Variants in CEP350 observed in about 807,000 individuals in gnomAD.
CEP350 encodes the protein centrosomal protein 350.
Under a neutral mutation model 331.8 loss-of-function variants are expected in CEP350, and 126 were observed. That is an observed-to-expected ratio of 0.38 (90% CI 0.33 to 0.44). CEP350 has a LOEUF of 0.44. Ranked by LOEUF, CEP350 falls within the 20% of genes least tolerant of loss-of-function variation. CEP350 has a pLI of 1.00. For synonymous variants in CEP350, 1,200 were observed against 1,259.5 expected, an observed-to-expected ratio of 0.95 and a Z score of 1.00; for missense variants, 3,406 against 3,634.6, an observed-to-expected ratio of 0.94 and a Z score of 1.62.
chr1:179,997,203 C>T, intron 6 of CEP350, 28 bp downstream of exon 6: 1 of 1,577,046 alleles, frequency 6.3e-7, no homozygotes. Flanking sequence ...ATATCTTCCT[C>T]TCCCTGCTTC....
chr1:180,004,750 A>G (rs531829165), intron 7 of CEP350, among the ~76,000 whole-genome samples: 1 of 152,260 alleles, frequency 6.6e-6, no homozygotes, highest in Admixed American at 6.5e-5. Flanking sequence ...TTCACTTGAC[A>G]TCTAGAATAC....
intron 30 of CEP350, 31 bp downstream of exon 30, chr1:180,080,692 T>C: frequency 3.8e-6 from 6 of 1,596,980 alleles, no homozygotes; most frequent in Non-Finnish European, 5.1e-6. Flanking sequence ...TTTTTATTTG[T>C]GTTGTATTTG....
In CEP350 at chr1:180,114,324, A is replaced by G. The variant is rs1319372055; in HGVS notation, c.*3163A>G. On this transcript the variant is annotated 3_prime_UTR_variant, in exon 38 of 38. Transcript: ENST00000367607. Reference sequence around the variant, plus strand: ...TACAAACTTACATCTTCCTTTTACTACCTTAAGAATACTAGTGAATAAAAC... The same window carrying G: ...TACAAACTTACATCTTCCTTTTACTGCCTTAAGAATACTAGTGAATAAAAC... 6.6e-6 allele frequency: 1 copy of G among 152,650 alleles called. No homozygotes were observed. The highest frequency in any genetic ancestry group is 1.5e-5 in the Non-Finnish European group (1 of 68,048). 9.5% of individuals were successfully genotyped at this position (152,650 alleles called of 1,614,324 possible). A position where few individuals can be genotyped will look rare whatever the true frequency, so the allele number is the denominator to read the frequency against.
At chr1:180,098,808 TGAAACTCAG>T in intron 36 of CEP350, 46 bp from the exon 37 acceptor site, 1 of 1,538,602 alleles carries the variant, frequency 6.5e-7, no homozygotes, top group South Asian at 1.2e-5. Context: ...TGTAAACACA[TGAAACTCAG>T]GAATTTCTGT....
At chr1:179,993,126 G>A (rs1349700753) in intron 5 of CEP350, among the ~76,000 whole-genome samples, 1 of 151,470 alleles carries the variant, frequency 6.6e-6, no homozygotes, top group Non-Finnish European at 1.5e-5. Context: ...TATCTGGGAT[G>A]GTCAGGCCTG....
At chr1:179,967,450 C>T (rs972868510) in intron 1 of CEP350, among the ~76,000 whole-genome samples, 6 of 152,134 alleles carry the variant, frequency 3.9e-5, no homozygotes, top group African/African-American at 9.7e-5. Flanking sequence ...CTCACTCTGT[C>T]GCCCAGGAGG....
intron 31 of CEP350, among the ~76,000 whole-genome samples, chr1:180,084,515 C>T (rs866198318): frequency 1.2e-4 from 18 of 152,208 alleles, no homozygotes; most frequent in South Asian, 4.1e-4. Context: ...CAGGCGTCCG[C>T]CACTACGCCC....
chr1:179,971,319 G>A (rs771393509), intron 1 of CEP350, among the ~76,000 whole-genome samples: 1 of 152,026 alleles, frequency 6.6e-6, no homozygotes, highest in Non-Finnish European at 1.5e-5. Flanking sequence ...GTGAGCCACT[G>A]CGCCCTGCCT....
intron 27 of CEP350, among the ~76,000 whole-genome samples, chr1:180,074,752 G>C (rs947103984): frequency 6.6e-6 from 1 of 152,156 alleles, no homozygotes; most frequent in African/African-American, 2.4e-5. Flanking sequence ...TGGTTGTCTA[G>C]ATATTCTGAA....
chr1:180,023,180 G>A (rs559642759), intron 13 of CEP350, among the ~76,000 whole-genome samples: 8 of 152,202 alleles, frequency 5.3e-5, no homozygotes, highest in Non-Finnish European at 7.4e-5. Flanking sequence ...GCTGAGGCAC[G>A]AAAATCGCTT....
intron 37 of CEP350, among the ~76,000 whole-genome samples, chr1:180,099,298 A>G (rs1039639190): frequency 6.6e-5 from 10 of 152,180 alleles, no homozygotes; most frequent in African/African-American, 2.4e-4. Flanking sequence ...CCCATGTTTA[A>G]ATCTCTTGAT....
chr1:180,099,370 C>T (rs1660663552), intron 37 of CEP350, among the ~76,000 whole-genome samples: 2 of 152,142 alleles, frequency 1.3e-5, no homozygotes, highest in South Asian at 4.1e-4. Flanking sequence ...AATAATAGTA[C>T]TTACCTGATA....
At position 179,991,705 on chromosome 1, in the gene CEP350, G is replaced by A. The variant is rs867564593; in HGVS notation, c.236-357G>A. On this transcript the variant is annotated intron_variant, in intron 4 of 37. Transcript: ENST00000367607. ...TGTGTGTGTGTGTGTGTGTGTGTGT[G>A]TGTATATATATATATATATACATTT... Among the ~76,000 whole-genome samples, 713 of 122,434 alleles carry A rather than the reference G, an allele frequency of 5.8e-3. 7 individuals are homozygous for A. Among genetic ancestry groups the A allele is most frequent in the African/African-American group, 0.018 (607 of 32,888 alleles). The allele number at this position is 122,434 out of a possible 152,430, so 80.3% of individuals were successfully genotyped here. A position where few individuals can be genotyped will look rare whatever the true frequency, so the allele number is the denominator to read the frequency against.
chr1:180,003,826 A>G (rs529515204), intron 7 of CEP350, among the ~76,000 whole-genome samples: 80 of 152,080 alleles, frequency 5.3e-4, no homozygotes, highest in African/African-American at 1.7e-3. Flanking sequence ...GGGCTTTTCT[A>G]TTTTTTACAG....
At chr1:179,977,092 A>G (rs954788664) in intron 1 of CEP350, among the ~76,000 whole-genome samples, 5 of 152,070 alleles carry the variant, frequency 3.3e-5, no homozygotes, top group African/African-American at 1.2e-4. Flanking sequence ...AAAACTCTGC[A>G]GTCTGTTTTT....
intron 1 of CEP350, 71 bp downstream of exon 1, chr1:179,955,213 C>A: frequency 8.4e-7 from 1 of 1,197,218 alleles, no homozygotes; most frequent in Non-Finnish European, 1.1e-6. Flanking sequence ...TCCGCGGTCC[C>A]GGGTCCCCGG....
At chr1:179,987,016 CTGTT>C (rs554730422) in intron 2 of CEP350, among the ~76,000 whole-genome samples, 49 of 152,274 alleles carry the variant, frequency 3.2e-4, no homozygotes, top group African/African-American at 1.1e-3. Flanking sequence ...GTAGCAGTGT[CTGTT>C]TACCTTTAAA....
intron 37 of CEP350, among the ~76,000 whole-genome samples, chr1:180,104,056 ATTT>A (rs1490824312): frequency 7.0e-6 from 1 of 142,676 alleles, no homozygotes; most frequent in Non-Finnish European, 1.5e-5. Context: ...ACAAATATAT[ATTT>A]TAAATATACA....
intron 1 of CEP350, among the ~76,000 whole-genome samples, chr1:179,970,864 G>A (rs1417171694): frequency 1.3e-5 from 2 of 152,172 alleles, no homozygotes; most frequent in African/African-American, 4.8e-5. Flanking sequence ...TTTGGTATAA[G>A]ACTGCCTCAT....
Sources: allele counts gnomAD v4.1 joint callset (sites outside exome capture counted in the v4.1 genomes callset), GRCh38; gene constraint gnomAD v4.1.1; transcripts MANE v1.5; gene names NCBI Gene and HGNC (gene_info 2026-07-23, HGNC 2026-07-21).